GLIS3: variants seen among roughly 807,000 people sequenced by gnomAD.
The protein encoded by GLIS3 is GLIS family zinc finger 3.
Under a neutral mutation model 78.6 loss-of-function variants are expected in GLIS3, and 53 were observed. That is an observed-to-expected ratio of 0.67 (90% CI 0.54 to 0.85). The LOEUF (loss-of-function observed/expected upper bound fraction) is 0.85, where lower values mean the gene tolerates loss of function less well. Ranked by LOEUF, GLIS3 falls within the 40% of genes least tolerant of loss-of-function variation. GLIS3 has a pLI of 0.00. For synonymous variants in GLIS3, 684 were observed against 509.9 expected, an observed-to-expected ratio of 1.34 and a Z score of -4.60; for missense variants, 1,703 against 1,231.1, an observed-to-expected ratio of 1.38 and a Z score of -5.74.
intron 4 of GLIS3, among the ~76,000 whole-genome samples, chr9:3,959,726 A>G (rs1400897140): frequency 1.3e-5 from 2 of 152,164 alleles, no homozygotes; most frequent in Non-Finnish European, 2.9e-5. Flanking sequence ...TAGAGTCTCA[A>G]CTTTATTATC....
chr9:4,189,581 G>A (rs1432933849), intron 2 of GLIS3, among the ~76,000 whole-genome samples: 1 of 152,142 alleles, frequency 6.6e-6, no homozygotes, highest in African/African-American at 2.4e-5. Context: ...TCTGTCTAAT[G>A]TTGACAGTGG....
At chr9:4,458,075 G>C in the GLIS3 span, among the ~76,000 whole-genome samples, 1 of 152,112 alleles carries the variant, frequency 6.6e-6, no homozygotes, top group African/African-American at 2.4e-5. Context: ...ATGCACCTGA[G>C]CACCAGGAAA....
chr9:4,336,774 G>C (rs117036905), intron 2 of GLIS3, among the ~76,000 whole-genome samples: 1 of 152,162 alleles, frequency 6.6e-6, no homozygotes, highest in Non-Finnish European at 1.5e-5. Flanking sequence ...TATTCCTTTA[G>C]TTGGCAAGTT....
intron 2 of GLIS3, among the ~76,000 whole-genome samples, chr9:4,216,734 A>G (rs1442736436): frequency 1.3e-5 from 2 of 152,068 alleles, no homozygotes; most frequent in Non-Finnish European, 2.9e-5. Flanking sequence ...CAGGTTTCGA[A>G]ACTCCCAAGA....
chr9:4,054,676 AAC>A (rs1554682668), intron 4 of GLIS3, among the ~76,000 whole-genome samples: 6 of 150,968 alleles, frequency 4.0e-5, no homozygotes, highest in Admixed American at 6.5e-5. Context: ...GCTGTTTCTC[AAC>A]AAAAAAAAAG....
the GLIS3 span, among the ~76,000 whole-genome samples, chr9:4,464,871 A>G: frequency 1.3e-5 from 2 of 152,240 alleles, no homozygotes; most frequent in Non-Finnish European, 2.9e-5. Context: ...TTTAAACCTG[A>G]TGGAAAGACA....
intron 4 of GLIS3, among the ~76,000 whole-genome samples, chr9:4,081,636 G>A (rs892243523): frequency 2.7e-4 from 41 of 152,182 alleles, no homozygotes; most frequent in Non-Finnish European, 1.5e-5. Flanking sequence ...AAGCCACTGT[G>A]ATTTGGAGGG....
chr9:4,426,792 T>C, the GLIS3 span, among the ~76,000 whole-genome samples: 1 of 152,204 alleles, frequency 6.6e-6, no homozygotes, highest in Non-Finnish European at 1.5e-5. Flanking sequence ...ATTGGTAAAA[T>C]GGAGACAATA....
chr9:4,391,555 GT>G, the GLIS3 span, among the ~76,000 whole-genome samples: 1 of 150,820 alleles, frequency 6.6e-6, no homozygotes, highest in South Asian at 2.1e-4. Context: ...AGAGGGGTGT[GT>G]GTGTGTGTGT....
chr9:4,133,737 A>G (rs1329292075), intron 2 of GLIS3, among the ~76,000 whole-genome samples: 1 of 151,910 alleles, frequency 6.6e-6, no homozygotes, highest in African/African-American at 2.4e-5. Flanking sequence ...CTTGTCTCTC[A>G]TATGGTACCT....
intron 2 of GLIS3, among the ~76,000 whole-genome samples, chr9:4,204,445 T>TA: frequency 6.6e-6 from 1 of 151,854 alleles, no homozygotes; most frequent in East Asian, 1.9e-4. Context: ...AAGGAACCAG[T>TA]AAAAAAGCAA....
At chr9:4,354,697 T>G in the GLIS3 span, among the ~76,000 whole-genome samples, 1 of 152,148 alleles carries the variant, frequency 6.6e-6, no homozygotes, top group Admixed American at 6.5e-5. Flanking sequence ...TTGGCAGCAC[T>G]GGAGTGATGC....
intron 2 of GLIS3, among the ~76,000 whole-genome samples, chr9:4,146,988 T>A (rs1414192756): frequency 2.0e-5 from 3 of 152,230 alleles, no homozygotes; most frequent in African/African-American, 7.2e-5. Context: ...GCACTAGATC[T>A]TATACCAAAT....
At chr9:4,418,255 C>T in the GLIS3 span, among the ~76,000 whole-genome samples, 2,486 of 115,202 alleles carry the variant, frequency 0.022, 76 homozygotes, top group African/African-American at 0.077. Flanking sequence ...TTTAATTCCA[C>T]AAATATGTAT....
intron 2 of GLIS3, among the ~76,000 whole-genome samples, chr9:4,196,107 G>A (rs1272369964): frequency 6.6e-6 from 1 of 152,076 alleles, no homozygotes; most frequent in Non-Finnish European, 1.5e-5. Context: ...GTTTGTAAAT[G>A]CACTAATCAG....
intron 6 of GLIS3, among the ~76,000 whole-genome samples, chr9:3,907,958 T>C (rs34620982): frequency 0.091 from 13,781 of 152,256 alleles, 851 homozygotes; most frequent in South Asian, 0.27. Context: ...GATTCATTCA[T>C]TTCTCTCCTG....
At chr9:4,175,535 G>A (rs1816737175) in intron 2 of GLIS3, among the ~76,000 whole-genome samples, 1 of 152,118 alleles carries the variant, frequency 6.6e-6, no homozygotes, top group Non-Finnish European at 1.5e-5. Context: ...ACACACACGA[G>A]GTTCTTAACC....
At chr9:4,171,389 C>T (rs1476150188) in intron 2 of GLIS3, among the ~76,000 whole-genome samples, 1 of 152,042 alleles carries the variant, frequency 6.6e-6, no homozygotes, top group Admixed American at 6.6e-5. Flanking sequence ...TGAAATTTAA[C>T]CTATCACATT....
the GLIS3 span, among the ~76,000 whole-genome samples, chr9:4,486,719 G>A: frequency 6.6e-6 from 1 of 152,058 alleles, no homozygotes; most frequent in African/African-American, 2.4e-5. Flanking sequence ...GTGATGTAAG[G>A]CCTCTTGTCA....
Sources: allele counts gnomAD v4.1 joint callset (sites outside exome capture counted in the v4.1 genomes callset), GRCh38; gene constraint gnomAD v4.1.1; transcripts MANE v1.5; gene names NCBI Gene and HGNC (gene_info 2026-07-23, HGNC 2026-07-21).